CCBE1: variants seen among roughly 807,000 people sequenced by gnomAD.
The protein encoded by CCBE1 is collagen and calcium binding EGF domains 1.
A neutral mutation model predicts 50.0 loss-of-function variants in CCBE1; 37 were observed. The ratio of observed to expected loss-of-function variants is 0.74; its 90% confidence interval spans 0.57 to 0.97. The LOEUF (loss-of-function observed/expected upper bound fraction) is 0.97, where lower values mean the gene tolerates loss of function less well. CCBE1 is among the 50% of genes least tolerant of loss of function. CCBE1 has a pLI of 0.00. For synonymous variants in CCBE1, 234 were observed against 203.7 expected, an observed-to-expected ratio of 1.15 and a Z score of -1.27; for missense variants, 538 against 523.8, an observed-to-expected ratio of 1.03 and a Z score of -0.26.
rs1458030740 is a variant in CCBE1, at chr18:59,552,476, C to T, written c.213-72238G>A. Among the ~76,000 whole-genome samples the T allele has an allele frequency of 2.6e-5, 4 of 152,202 alleles. No homozygotes were observed. In the East Asian group the frequency reaches 5.8e-4, roughly 22 times the overall value. ...ATATGTCTTAACAAAGACTTTCCTC[C>T]CACTAGCCTACATCTAGGTTTTGGC... On this transcript the variant is annotated intron_variant, in intron 2 of 10. Transcript: ENST00000439986.
chr18:59,507,090 A>G (rs903666500), intron 2 of CCBE1, among the ~76,000 whole-genome samples: 22 of 152,254 alleles, frequency 1.4e-4, no homozygotes, highest in Admixed American at 1.2e-3. Flanking sequence ...CCATTTTCCA[A>G]TGACCCCTGG....
In CCBE1 at chr18:59,631,817, G is replaced by A. The variant is rs189970489; in HGVS notation, c.212+64812C>T. Among the ~76,000 whole-genome samples the A allele has an allele frequency of 2.9e-4, 44 of 152,286 alleles. 1 individual carries two copies. Among genetic ancestry groups the A allele is most frequent in the Non-Finnish European group, 5.6e-4 (38 of 68,026 alleles). ...GTAGAAATTTGGGGTCTGACAAACTGACTAGAATTAGGACCCTTAAAAGCG... is the reference window on the plus strand; with the variant it reads ...GTAGAAATTTGGGGTCTGACAAACTAACTAGAATTAGGACCCTTAAAAGCG... On this transcript the variant is annotated intron_variant, in intron 2 of 10. Transcript: ENST00000439986.
At chr18:59,558,175 A>T (rs2052681457) in intron 2 of CCBE1, among the ~76,000 whole-genome samples, 1 of 152,234 alleles carries the variant, frequency 6.6e-6, no homozygotes, top group Non-Finnish European at 1.5e-5. Context: ...TTATGGAATC[A>T]GGGAACATAA....
intron 2 of CCBE1, among the ~76,000 whole-genome samples, chr18:59,598,865 T>A (rs2053391735): frequency 6.6e-6 from 1 of 152,180 alleles, no homozygotes. Context: ...TGGAGGCTGT[T>A]GAATCCCCAC....
intron 2 of CCBE1, among the ~76,000 whole-genome samples, chr18:59,630,320 A>AT (rs2053835290): frequency 6.6e-6 from 1 of 151,846 alleles, no homozygotes; most frequent in African/African-American, 2.4e-5. Flanking sequence ...AGCTCTTTTT[A>AT]TAACACATTT....
Position 59,435,949 on chromosome 18 carries a change from C to T in CCBE1, c.1180G>A (p.Glu394Lys), listed in dbSNP as rs1381134355. 6 of 1,614,002 alleles carry T rather than the reference C, an allele frequency of 3.7e-6. No individual in the cohort carries two copies. The highest frequency in any genetic ancestry group is 4.2e-6 in the Non-Finnish European group (5 of 1,180,036). ...CTGGGGGCTCTCAAGTCTCTTGTCT[C>T]AGTTCTTCTTGGATGGTCATCTCCA... The part of the protein sequence containing the change: ...GSGDDHPRRT[E>K]TRDLRAPRDF... Residue 394 changes from glutamate to lysine, a missense_variant, in exon 11 of 11, where the codon GAG becomes AAG. By Grantham distance (56) the Glu-to-Lys change is moderately conservative. Transcript: ENST00000439986.
chr18:59,472,963 C>T (rs910676491), intron 3 of CCBE1, among the ~76,000 whole-genome samples: 1 of 152,114 alleles, frequency 6.6e-6, no homozygotes, highest in Non-Finnish European at 1.5e-5. Flanking sequence ...GACTTACCAC[C>T]ATGAGAACAG....
At chr18:59,452,098 C>A (rs573720443) in intron 6 of CCBE1, among the ~76,000 whole-genome samples, 1 of 152,288 alleles carries the variant, frequency 6.6e-6, no homozygotes, top group South Asian at 2.1e-4. Context: ...GGGCATTTGA[C>A]CTGTCGTGTT....
chr18:59,612,062 C>A (rs1310072630), intron 2 of CCBE1, among the ~76,000 whole-genome samples: 1 of 152,158 alleles, frequency 6.6e-6, no homozygotes, highest in East Asian at 1.9e-4. Context: ...CAGGTCTAAG[C>A]AGGAAGCCTA....
At chr18:59,633,748 A>AG (rs1568244824) in intron 2 of CCBE1, among the ~76,000 whole-genome samples, 19 of 151,516 alleles carry the variant, frequency 1.3e-4, no homozygotes, top group African/African-American at 4.1e-4. Context: ...TTTTTTTAAA[A>AG]TAAAACCTAT....
intron 2 of CCBE1, among the ~76,000 whole-genome samples, chr18:59,601,023 T>TG: frequency 2.5e-5 from 2 of 80,288 alleles, no homozygotes; most frequent in Admixed American, 1.1e-4. Flanking sequence ...TTTTTTTTTT[T>TG]TTTTTTTTTT....
chr18:59,697,621 T>G, upstream of CCBE1: 1 of 442,752 alleles, frequency 2.3e-6, no homozygotes, highest in Non-Finnish European at 4.1e-6. Context: ...TCAAGTTGTC[T>G]CGTCGGGACG....
chr18:59,456,804 GC>G (rs1362954046), intron 5 of CCBE1, among the ~76,000 whole-genome samples: 3 of 152,198 alleles, frequency 2.0e-5, no homozygotes, highest in Non-Finnish European at 2.9e-5. Flanking sequence ...CAGGGCTTCT[GC>G]CCTTTGGGAG....
intron 2 of CCBE1, among the ~76,000 whole-genome samples, chr18:59,617,475 G>C (rs7235399): frequency 1.5e-3 from 236 of 152,326 alleles, no homozygotes; most frequent in Non-Finnish European, 2.9e-3. Context: ...ATGTGAGAAA[G>C]GTGGCTTTAA....
chr18:59,614,935 C>T (rs1227700321), intron 2 of CCBE1, among the ~76,000 whole-genome samples: 1 of 152,210 alleles, frequency 6.6e-6, no homozygotes, highest in Admixed American at 6.5e-5. Context: ...TAGGATGTAC[C>T]ATTTCTTAGT....
chr18:59,682,159 C>T (rs537736756), intron 2 of CCBE1, among the ~76,000 whole-genome samples: 156 of 152,292 alleles, frequency 1.0e-3, no homozygotes, highest in African/African-American at 3.4e-3. Context: ...GTCTAGAAAT[C>T]GAGACCATCC....
chr18:59,652,808 C>G (rs2054142827), intron 2 of CCBE1, among the ~76,000 whole-genome samples: 1 of 152,146 alleles, frequency 6.6e-6, no homozygotes, highest in Non-Finnish European at 1.5e-5. Context: ...ACTAAAAATA[C>G]AGAAAATTAG....
chr18:59,645,911 G>A (rs1033560405), intron 2 of CCBE1, among the ~76,000 whole-genome samples: 2 of 152,074 alleles, frequency 1.3e-5, no homozygotes, highest in African/African-American at 4.8e-5. Flanking sequence ...GGTGCCTGTA[G>A]TCCCAGTGAC....
chr18:59,629,710 C>T lies in CCBE1; in HGVS notation c.212+66919G>A, dbSNP rs149296853. Among the ~76,000 whole-genome samples the T allele has an allele frequency of 2.6e-3, 395 of 152,232 alleles. 9 individuals are homozygous for T. The East Asian group carries it at 0.037, about 14-fold the overall frequency. ...CAGCATAGTATTCTCGAGTAGTCTC[C>T]GAGAGCCCTGGCTGGGAGATGGTTT... On this transcript the variant is annotated intron_variant, in intron 2 of 10. Transcript: ENST00000439986.
Sources: allele counts gnomAD v4.1 joint callset (sites outside exome capture counted in the v4.1 genomes callset), GRCh38; gene constraint gnomAD v4.1.1; transcripts MANE v1.5; gene names NCBI Gene and HGNC (gene_info 2026-07-23, HGNC 2026-07-21).